RBM34: variants seen among roughly 807,000 people sequenced by gnomAD.
RBM34 encodes RNA-binding protein 34.
RBM34 carries 39 observed loss-of-function variants against 44.6 expected under a neutral mutation model. That is an observed-to-expected ratio of 0.87 (90% CI 0.68 to 1.14). The LOEUF is 1.14. RBM34 is among the 50% of genes most tolerant of loss of function. The probability of loss-of-function intolerance (pLI) is 0.00; values close to 1 mark genes in which losing one functional copy is unlikely to be tolerated. For missense variants in RBM34, 572 were observed against 517.9 expected (o/e 1.10, Z -1.01); for synonymous variants, 194 against 184.0 (o/e 1.05, Z -0.44).
intron 3 of RBM34, 63 bp from the exon 4 acceptor site, chr1:235,155,175 A>T (rs1341377390): frequency 1.5e-6 from 2 of 1,297,148 alleles, no homozygotes; most frequent in Non-Finnish European, 2.2e-6. Context: ...AGTATTTGAC[A>T]AAGCACAGCC....
Position 235,148,457 on chromosome 1 carries a change from GAAA to G in RBM34, c.658-13_658-11del. 1 of 1,438,354 alleles carries G rather than the reference GAAA, an allele frequency of 7.0e-7. No homozygotes were observed. The allele number at this position is 1,438,354 out of a possible 1,614,324, so 89.1% of individuals were successfully genotyped here. A position where few individuals can be genotyped will look rare whatever the true frequency, so the allele number is the denominator to read the frequency against. On this transcript the variant is annotated splice_polypyrimidine_tract_variant and intron_variant, in intron 5 of 10. Transcript: ENST00000408888. Reference sequence around the variant, plus strand: ...TTCCCTCTGCTGGAATCTTTCAAGAGAAAAAAAAAAGTATTAAAGACAGTATTT... The same window carrying G: ...TTCCCTCTGCTGGAATCTTTCAAGAGAAAAAAAGTATTAAAGACAGTATTT...
intron 6 of RBM34, among the ~76,000 whole-genome samples, chr1:235,142,926 C>CAAAAAAAA (rs34015202): frequency 7.6e-5 from 5 of 66,222 alleles, no homozygotes; most frequent in African/African-American, 1.4e-4. Flanking sequence ...GGATCCATCT[C>CAAAAAAAA]AAAAAAAAAA....
chr1:235,144,499 T>TAAAAAAAA (rs67277220), intron 6 of RBM34, among the ~76,000 whole-genome samples: 3 of 132,232 alleles, frequency 2.3e-5, no homozygotes, highest in Admixed American at 7.6e-5. Context: ...CTTAATAAAC[T>TAAAAAAAA]AAAAAAAAAA....
chr1:235,148,462 A>G lies in RBM34; in HGVS notation c.658-15T>C. ...TCTGCTGGAATCTTTCAAGAGAAAA[A>G]AAAAAGTATTAAAGACAGTATTTGA... On this transcript the variant is annotated splice_polypyrimidine_tract_variant and intron_variant, in intron 5 of 10. Transcript: ENST00000408888. The G allele has an allele frequency of 6.3e-7, 1 of 1,575,648 alleles. No individual in the cohort carries two copies. Among genetic ancestry groups the G allele is most frequent in the Non-Finnish European group, 8.6e-7 (1 of 1,163,284 alleles).
At chr1:235,152,355 G>T in intron 5 of RBM34, 1 of 421,236 alleles carries the variant, frequency 2.4e-6, no homozygotes, top group Non-Finnish European at 3.2e-6. Flanking sequence ...CCATACTAAT[G>T]TGTATGATGG....
chr1:235,152,755 G>T lies in RBM34; in HGVS notation c.608C>A (p.Ser203Ter). Residue 203 changes from serine to a stop codon, truncating the protein, a stop_gained, in exon 5 of 11, where the codon TCG becomes TAG. Transcript: ENST00000408888. LOFTEE classifies it high-confidence loss of function. ...PVTCNKKKLKSFFKEYGQIES... is the reference protein window; with the variant it reads ...PVTCNKKKLK ...TATTTGTCCATACTCTTTAAAAAAC[G>T]ACTTCAGCTTCTAAAATTAAAAAAA... is the stretch of plus-strand genomic sequence containing the variant. 2 of 1,573,932 alleles carry T rather than the reference G, an allele frequency of 1.3e-6. No individual in the cohort carries two copies. Among genetic ancestry groups the T allele is most frequent in the South Asian group, 2.4e-5 (2 of 83,374 alleles).
intron 10 of RBM34, 54 bp downstream of exon 10, chr1:235,135,598 C>T (rs1661393458): frequency 2.2e-6 from 3 of 1,393,270 alleles, no homozygotes; most frequent in Non-Finnish European, 3.1e-6. Flanking sequence ...GCAACAGTGT[C>T]AATGCCTCCC....
At chr1:235,154,200 C>CG (rs1662296920) in intron 4 of RBM34, among the ~76,000 whole-genome samples, 1 of 150,128 alleles carries the variant, frequency 6.7e-6, no homozygotes, top group Non-Finnish European at 1.5e-5. Flanking sequence ...GAACAGAGAT[C>CG]GCGCCACTGC....
chr1:235,141,615 C>G (rs1019221556), intron 6 of RBM34, among the ~76,000 whole-genome samples: 1 of 152,192 alleles, frequency 6.6e-6, no homozygotes, highest in African/African-American at 2.4e-5. Context: ...TCCTTTCACT[C>G]TTTGCAATAA....
intron 3 of RBM34, among the ~76,000 whole-genome samples, chr1:235,155,505 C>CT (rs745638640): frequency 1.1e-3 from 139 of 123,882 alleles, no homozygotes; most frequent in East Asian, 2.4e-3. Context: ...CCACACGTGG[C>CT]TTTTTTTTTT....
At chr1:235,157,700 A>G (rs1327089711) in intron 3 of RBM34, among the ~76,000 whole-genome samples, 1 of 152,244 alleles carries the variant, frequency 6.6e-6, no homozygotes. Context: ...AAGATACCAC[A>G]GTAACACTAA....
At chr1:235,157,878 GCA>G (rs1204598860) in intron 3 of RBM34, among the ~76,000 whole-genome samples, 1 of 152,160 alleles carries the variant, frequency 6.6e-6, no homozygotes, top group Non-Finnish European at 1.5e-5. Context: ...TGCTTCAGTG[GCA>G]CAGTCAGGAC....
intron 6 of RBM34, among the ~76,000 whole-genome samples, chr1:235,145,484 C>T (rs1661865710): frequency 6.6e-6 from 1 of 151,978 alleles, no homozygotes; most frequent in African/African-American, 2.4e-5. Flanking sequence ...CGCCACGCTG[C>T]CCAGGCTGGT....
chr1:235,153,425 CTT>C (rs1189611806), intron 4 of RBM34, among the ~76,000 whole-genome samples: 21 of 142,750 alleles, frequency 1.5e-4, no homozygotes, highest in Admixed American at 1.4e-4. Context: ...CAGGAATAAA[CTT>C]TTTTTTTTTT....
At chr1:235,152,870 C>CA in intron 4 of RBM34, 105 bp from the exon 5 acceptor site, 1 of 593,534 alleles carries the variant, frequency 1.7e-6, no homozygotes, top group Non-Finnish European at 2.5e-6. Flanking sequence ...TACTGCCAGG[C>CA]TTTTTTTTTT....
At chr1:235,151,107 G>A (rs889612189) in intron 5 of RBM34, among the ~76,000 whole-genome samples, 10 of 152,194 alleles carry the variant, frequency 6.6e-5, no homozygotes, top group African/African-American at 2.2e-4. Context: ...CTGACAGGAG[G>A]TAATGAGAAC....
chr1:235,140,225 G>A (rs1661618143), intron 6 of RBM34, among the ~76,000 whole-genome samples: 1 of 152,248 alleles, frequency 6.6e-6, no homozygotes, highest in Non-Finnish European at 1.5e-5. Context: ...CGCTGTGGGA[G>A]CCCGTTTCTG....
At chr1:235,141,670 C>T (rs1661687738) in intron 6 of RBM34, among the ~76,000 whole-genome samples, 1 of 152,188 alleles carries the variant, frequency 6.6e-6, no homozygotes, top group African/African-American at 2.4e-5. Flanking sequence ...CTTTTATGAG[C>T]TGTAACACTC....
In RBM34 at chr1:235,160,586, G is replaced by A. The variant is rs746849926; in HGVS notation, c.290C>T (p.Pro97Leu). 1.2e-6 allele frequency: 2 copies of A among 1,613,816 alleles called. No individual in the cohort carries two copies. The highest frequency in any genetic ancestry group is 1.7e-6 in the Non-Finnish European group (2 of 1,179,908). ...EEESTSQIER[P>L]LSQEPAKKVK... ...TTTTTTGGCAGGTTCTTGCGAAAGT[G>A]GTCTTTCAATCTGGGATGTACTTTC... The change falls in exon 3 of 11, where the codon CCA becomes CTA. Residue 97 changes from proline (P) to leucine (L), a missense_variant. Pro to Leu is a moderately conservative substitution (Grantham distance 98). Coordinates refer to ENST00000408888, the MANE Select transcript of RBM34 (RefSeq NM_015014.4).
Sources: allele counts gnomAD v4.1 joint callset (sites outside exome capture counted in the v4.1 genomes callset), GRCh38; gene constraint gnomAD v4.1.1; transcripts MANE v1.5; gene names NCBI Gene and HGNC (gene_info 2026-07-23, HGNC 2026-07-21).